ATP6V0A1: variants seen among roughly 807,000 people sequenced by gnomAD.
ATP6V0A1 encodes the protein ATPase H+ transporting V0 subunit a1, also known as V-type proton ATPase 116 kDa subunit a 1.
A neutral mutation model predicts 105.4 loss-of-function variants in ATP6V0A1; 43 were observed. That is an observed-to-expected ratio of 0.41 (90% CI 0.32 to 0.53). The LOEUF (loss-of-function observed/expected upper bound fraction) is 0.53. Among genes scored for constraint, ATP6V0A1 ranks in the 20% least tolerant of loss-of-function variants. ATP6V0A1 has a pLI of 0.30. For synonymous variants in ATP6V0A1, 362 were observed against 372.8 expected, an observed-to-expected ratio of 0.97 and a Z score of 0.33; for missense variants, 676 against 1,051.1, an observed-to-expected ratio of 0.64 and a Z score of 4.93.
chr17:42,468,789 C>G (rs1358571237), intron 4 of ATP6V0A1, among the ~76,000 whole-genome samples: 1 of 152,060 alleles, frequency 6.6e-6, no homozygotes, highest in East Asian at 1.9e-4. Context: ...GTATTATATG[C>G]CACTAAGTAA....
intron 5 of ATP6V0A1, among the ~76,000 whole-genome samples, chr17:42,474,322 A>C (rs1273041282): frequency 1.3e-5 from 2 of 150,908 alleles, no homozygotes; most frequent in African/African-American, 4.9e-5. Context: ...TTTTATTCAA[A>C]ACTTTTTTTT....
intron 19 of ATP6V0A1, 186 bp from the exon 20 acceptor site, chr17:42,513,674 AT>A: frequency 1.7e-6 from 1 of 599,950 alleles, no homozygotes. Context: ...TGGGGAAGGC[AT>A]TGCCGAAATC....
chr17:42,462,998 CTTTTTT>C (rs35135162), intron 2 of ATP6V0A1, among the ~76,000 whole-genome samples: 44 of 66,186 alleles, frequency 6.6e-4, no homozygotes, highest in Admixed American at 1.3e-3. Context: ...GGATATGGAA[CTTTTTT>C]TTTTTTTTTT....
intron 17 of ATP6V0A1, among the ~76,000 whole-genome samples, chr17:42,506,740 A>T (rs1246699892): frequency 6.6e-6 from 1 of 151,948 alleles, no homozygotes; most frequent in African/African-American, 2.4e-5. Flanking sequence ...GGTTTGGAAA[A>T]ACTCAAGTTT....
At chr17:42,480,280 T>TA (rs1404617188) in intron 7 of ATP6V0A1, 1 of 153,594 alleles carries the variant, frequency 6.5e-6, no homozygotes, top group African/African-American at 2.4e-5. Flanking sequence ...CAGCCCCTTT[T>TA]ATCTAAGAAT....
chr17:42,487,152 A>G lies in ATP6V0A1; in HGVS notation c.811-3A>G. On this transcript the variant is annotated splice_polypyrimidine_tract_variant and splice_region_variant and intron_variant, in intron 9 of 21. Coordinates refer to ENST00000343619, the MANE Select transcript of ATP6V0A1 (RefSeq NM_001130021.3). ...CCCTCGCTTGTTCCTTTTCTCCCCA[A>G]AGGTTCTGAATCAAACGGAGGATCA... 1 of 1,614,160 alleles carries G rather than the reference A, an allele frequency of 6.2e-7. No homozygotes were observed. Among genetic ancestry groups the G allele is most frequent in the Non-Finnish European group, 8.5e-7 (1 of 1,180,020 alleles).
At chr17:42,519,557 C>T (rs2092755721) in intron 21 of ATP6V0A1, 1 of 152,244 alleles carries the variant, frequency 6.6e-6, no homozygotes. Context: ...TCAAACCTAA[C>T]ACAAGTGGGT....
intron 17 of ATP6V0A1, among the ~76,000 whole-genome samples, chr17:42,502,313 C>CG (rs1337454898): frequency 6.6e-6 from 1 of 152,198 alleles, no homozygotes; most frequent in African/African-American, 2.4e-5. Flanking sequence ...ATGCGGTTTG[C>CG]CTGGGCAACC....
intron 19 of ATP6V0A1, among the ~76,000 whole-genome samples, chr17:42,511,772 C>T (rs535654578): frequency 3.4e-4 from 52 of 152,080 alleles, no homozygotes; most frequent in Non-Finnish European, 7.4e-5. Flanking sequence ...GAGTTTGAGA[C>T]CAGCCTGGCC....
chr17:42,514,078 T>A, intron 20 of ATP6V0A1, 100 bp downstream of exon 20: 1 of 1,394,382 alleles, frequency 7.2e-7, no homozygotes, highest in Admixed American at 1.8e-5. Flanking sequence ...ATGAAGGTTC[T>A]GGAATTATTC....
chr17:42,480,954 C>T, intron 8 of ATP6V0A1: 1 of 412,050 alleles, frequency 2.4e-6, no homozygotes, highest in Non-Finnish European at 4.3e-6. Context: ...GGGGGTCTCA[C>T]TCTGTTGCCC....
intron 14 of ATP6V0A1, among the ~76,000 whole-genome samples, chr17:42,498,653 T>C (rs2091405260): frequency 6.6e-6 from 1 of 151,968 alleles, no homozygotes; most frequent in Admixed American, 6.6e-5. Flanking sequence ...GGTGAAACCC[T>C]GTCTCTACTA....
rs554268537 is a variant in ATP6V0A1, at chr17:42,469,497, A to AT, written c.295-584dup. Reference sequence around the variant, plus strand: ...AGGCATGCACCACTGCACCCAGCTAATTTTTTTTTGTATTTTTAGTAGAGA... The same window carrying AT: ...AGGCATGCACCACTGCACCCAGCTAATTTTTTTTTTGTATTTTTAGTAGAGA... On this transcript the variant is annotated intron_variant, in intron 4 of 21. Coordinates refer to ENST00000343619, the MANE Select transcript of ATP6V0A1 (RefSeq NM_001130021.3). Among the ~76,000 whole-genome samples the AT allele has an allele frequency of 4.7e-3, 706 of 148,674 alleles. 6 individuals are homozygous for AT. The highest frequency in any genetic ancestry group is 4.0e-3 in the Non-Finnish European group (267 of 67,092).
At chr17:42,488,358 G>T (rs573185457) in intron 10 of ATP6V0A1, among the ~76,000 whole-genome samples, 2 of 152,222 alleles carry the variant, frequency 1.3e-5, no homozygotes, top group African/African-American at 2.4e-5. Context: ...ATTGTGAAAG[G>T]TTCTTAAATA....
chr17:42,489,269 C>CG (rs1016295796), intron 10 of ATP6V0A1, among the ~76,000 whole-genome samples: 3 of 151,618 alleles, frequency 2.0e-5, no homozygotes, highest in African/African-American at 7.3e-5. Context: ...TTAGTGGAGA[C>CG]GGGGTTTCAT....
In ATP6V0A1 at chr17:42,501,242, C is replaced by T; in HGVS notation, c.1942C>T (p.Pro648Ser). The change falls in exon 17 of 22, where the codon CCT (proline) becomes TCT (serine). Residue 648 changes from proline to serine, a missense_variant. Pro to Ser is a moderately conservative substitution (Grantham distance 74). Transcript: ENST00000343619. ...GGTAGTGGTTGCACTACTGTGTGTA[C>T]CTTGGATGCTGCTGTTTAAACCATT... ...FLVVVALLCV[P>S]WMLLFKPLVL... 6.2e-7 allele frequency: 1 copy of T among 1,614,072 alleles called. No individual in the cohort carries two copies. Among genetic ancestry groups the T allele is most frequent in the Non-Finnish European group, 8.5e-7 (1 of 1,180,000 alleles).
At chr17:42,498,264 CTT>C (rs2146092403) in intron 14 of ATP6V0A1, among the ~76,000 whole-genome samples, 1 of 152,124 alleles carries the variant, frequency 6.6e-6, no homozygotes, top group Admixed American at 6.6e-5. Context: ...ATAAATAAGT[CTT>C]TTCCTTTTAG....
chr17:42,506,500 C>T (rs553685111), intron 17 of ATP6V0A1, among the ~76,000 whole-genome samples: 2 of 152,326 alleles, frequency 1.3e-5, no homozygotes, highest in South Asian at 4.1e-4. Flanking sequence ...AGGGCAGCTG[C>T]GCAGGCCTCC....
intron 11 of ATP6V0A1, 80 bp downstream of exon 11, chr17:42,490,717 C>T: frequency 1.4e-6 from 2 of 1,424,684 alleles, no homozygotes; most frequent in East Asian, 2.3e-5. Flanking sequence ...GAGACAGAGT[C>T]TCCCTCTGTC....
Sources: allele counts gnomAD v4.1 joint callset (sites outside exome capture counted in the v4.1 genomes callset), GRCh38; gene constraint gnomAD v4.1.1; transcripts MANE v1.5; gene names NCBI Gene and HGNC (gene_info 2026-07-23, HGNC 2026-07-21).